Variants in CDH4 observed in about 807,000 individuals in gnomAD.
CDH4 encodes cadherin 4, also known as cadherin-4.
Under a neutral mutation model 86.0 loss-of-function variants are expected in CDH4, and 33 were observed. The observed-to-expected ratio is 0.38, with a 90% confidence interval of 0.29 to 0.51. The LOEUF is 0.51. CDH4 is among the 20% of genes least tolerant of loss of function. CDH4 has a pLI of 0.86. For synonymous variants in CDH4, 555 were observed against 549.4 expected, an observed-to-expected ratio of 1.01 and a Z score of -0.14; for missense variants, 1,114 against 1,307.4, an observed-to-expected ratio of 0.85 and a Z score of 2.28.
intron 2 of CDH4, among the ~76,000 whole-genome samples, chr20:61,553,694 T>C (rs1375761818): frequency 1.3e-5 from 2 of 152,214 alleles, no homozygotes; most frequent in African/African-American, 2.4e-5. Context: ...CTCCACAGTC[T>C]CACCAGCACT....
intron 2 of CDH4, among the ~76,000 whole-genome samples, chr20:61,553,146 C>T (rs2086147001): frequency 1.3e-5 from 2 of 152,210 alleles, no homozygotes; most frequent in South Asian, 4.1e-4. Flanking sequence ...CATAGATAAG[C>T]ATTGGAAACA....
chr20:61,698,492 A>G (rs559380794), intron 2 of CDH4, among the ~76,000 whole-genome samples: 1 of 152,348 alleles, frequency 6.6e-6, no homozygotes, highest in South Asian at 2.1e-4. Context: ...GGGGCTGGTG[A>G]CTGCAGGTGC....
intron 2 of CDH4, among the ~76,000 whole-genome samples, chr20:61,351,582 G>A (rs1343688956): frequency 6.6e-6 from 1 of 152,134 alleles, no homozygotes; most frequent in African/African-American, 2.4e-5. Flanking sequence ...TGTGTATGGG[G>A]GGGACGTGAG....
At chr20:61,506,324 A>C (rs1282732054) in intron 2 of CDH4, among the ~76,000 whole-genome samples, 1 of 152,236 alleles carries the variant, frequency 6.6e-6, no homozygotes, top group Admixed American at 6.5e-5. Flanking sequence ...TAAACTCGAA[A>C]CATTACGAAT....
chr20:61,529,089 A>G (rs938029362), intron 2 of CDH4, among the ~76,000 whole-genome samples: 2 of 152,254 alleles, frequency 1.3e-5, no homozygotes, highest in African/African-American at 4.8e-5. Context: ...ATAGGAAGGA[A>G]TGACCATTTT....
At chr20:61,461,225 G>A (rs1009663947) in intron 2 of CDH4, among the ~76,000 whole-genome samples, 2 of 152,104 alleles carry the variant, frequency 1.3e-5, no homozygotes, top group African/African-American at 4.8e-5. Flanking sequence ...CCTAAGTCTG[G>A]AATTTCAGGT....
intron 2 of CDH4, among the ~76,000 whole-genome samples, chr20:61,486,553 A>G (rs542478645): frequency 6.6e-6 from 1 of 152,352 alleles, no homozygotes; most frequent in South Asian, 2.1e-4. Context: ...TTGGAAATAA[A>G]ACACTTGTGT....
chr20:61,565,403 G>GGTGGTGGT (rs1568689304), intron 2 of CDH4, among the ~76,000 whole-genome samples: 358 of 20,636 alleles, frequency 0.017, 72 homozygotes, highest in Non-Finnish European at 0.021. Flanking sequence ...TGATGGTGGT[G>GGTGGTGGT]GCGGTGCTCT....
chr20:61,490,779 C>G lies in CDH4; in HGVS notation c.169+235842C>G, dbSNP rs76645300. Among the ~76,000 whole-genome samples the G allele has an allele frequency of 3.0e-4, 45 of 152,228 alleles. 1 individual carries two copies. In the East Asian group the frequency reaches 8.5e-3, roughly 29 times the overall value. On this transcript the variant is annotated intron_variant, in intron 2 of 15. Transcript: ENST00000614565. The stretch of plus-strand genomic sequence containing the variant: ...GGGGCACTCCTGGACTGAGCAGGCC[C>G]TGCTCACAGCACACGGCTGTCTAAT...
intron 8 of CDH4, among the ~76,000 whole-genome samples, chr20:61,908,311 G>A (rs2054813629): frequency 6.6e-6 from 1 of 152,202 alleles, no homozygotes; most frequent in Non-Finnish European, 1.5e-5. Flanking sequence ...TTTATATGAA[G>A]GCTATCACTC....
At chr20:61,695,802 A>G (rs2026162) in intron 2 of CDH4, among the ~76,000 whole-genome samples, 85,982 of 152,130 alleles carry the variant, frequency 0.57, 24,639 homozygotes, top group East Asian at 0.74. Context: ...TCCTTCGTCC[A>G]ATCCTTCCCC....
intron 4 of CDH4, among the ~76,000 whole-genome samples, chr20:61,842,001 G>A (rs896149830): frequency 2.6e-5 from 4 of 152,228 alleles, no homozygotes; most frequent in Admixed American, 1.3e-4. Context: ...GTGCAAATGC[G>A]AAATGCTGGC....
At chr20:61,433,352 CTTCT>C (rs1490544831) in intron 2 of CDH4, among the ~76,000 whole-genome samples, 6 of 152,164 alleles carry the variant, frequency 3.9e-5, no homozygotes, top group African/African-American at 1.2e-4. Context: ...TGACGCCTTC[CTTCT>C]GTCGACACCA....
chr20:61,530,387 T>C (rs550483597), intron 2 of CDH4, among the ~76,000 whole-genome samples: 1 of 152,216 alleles, frequency 6.6e-6, no homozygotes, highest in Non-Finnish European at 1.5e-5. Flanking sequence ...TTCCTTAGAA[T>C]CCTACCCTGA....
At position 61,258,393 on chromosome 20, in the gene CDH4, C is replaced by T. The variant is rs1465884679; in HGVS notation, c.169+3456C>T. Among the ~76,000 whole-genome samples the T allele has an allele frequency of 4.0e-5, 6 of 148,282 alleles. No individual in the cohort carries two copies. In the East Asian group the frequency reaches 1.0e-3, roughly 25 times the overall value. ...GCATGTTTCTAATGACTTAACGTGA[C>T]GTCCTCAGCAAAGCCTTGCCTCTCC... On this transcript the variant is annotated intron_variant, in intron 2 of 15. Transcript: ENST00000614565.
intron 2 of CDH4, among the ~76,000 whole-genome samples, chr20:61,362,807 G>A (rs1394570021): frequency 6.6e-6 from 1 of 152,154 alleles, no homozygotes; most frequent in East Asian, 1.9e-4. Context: ...TGCGTTCTGT[G>A]TTGGGCCAGA....
At chr20:61,712,957 C>A (rs1357984154) in intron 2 of CDH4, among the ~76,000 whole-genome samples, 1 of 152,164 alleles carries the variant, frequency 6.6e-6, no homozygotes, top group Non-Finnish European at 1.5e-5. Flanking sequence ...GCAGTAGAAA[C>A]TTTGCCAGGA....
At position 61,883,937 on chromosome 20, in the gene CDH4, C is replaced by A. The variant is rs937998307; in HGVS notation, c.1050+10037C>A. On this transcript the variant is annotated intron_variant, in intron 7 of 15. Transcript: ENST00000614565. The stretch of plus-strand genomic sequence containing the variant: ...AAGCAAGAGGGTCCCAGCATCCCCA[C>A]CCCCCAACCCCCGTGTGGTGGGTTT... Among the ~76,000 whole-genome samples the A allele has an allele frequency of 2.0e-5, 3 of 152,274 alleles. No individual in the cohort carries two copies. In the East Asian group the frequency reaches 5.8e-4, roughly 29 times the overall value.
At chr20:61,565,312 G>GAT (rs2086280715) in intron 2 of CDH4, among the ~76,000 whole-genome samples, 1 of 106,194 alleles carries the variant, frequency 9.4e-6, no homozygotes, top group Non-Finnish European at 2.1e-5. Flanking sequence ...TGCTCTTGGT[G>GAT]GTGGCGGTGC....
Sources: gnomAD v4.1 joint callset for allele counts (sites outside exome capture counted in the v4.1 genomes callset) on GRCh38, gnomAD v4.1.1 for gene constraint, MANE v1.5 for transcripts, NCBI Gene and HGNC (gene_info 2026-07-23, HGNC 2026-07-21) for gene names.